Variants in NTRK2 observed in about 807,000 individuals in gnomAD.
The protein encoded by NTRK2 is BDNF/NT-3 growth factors receptor.
In NTRK2, 13 loss-of-function variants were observed where a neutral mutation model predicts 94.5. The observed-to-expected ratio is 0.14, with a 90% CI of 0.09 to 0.22. The LOEUF (loss-of-function observed/expected upper bound fraction) is 0.22. NTRK2 is among the 10% of genes least tolerant of loss of function. The pLI is 1.00. For synonymous variants in NTRK2, 372 were observed against 407.4 expected, an observed-to-expected ratio of 0.91 and a Z score of 1.05; for missense variants, 639 against 1,071.2, an observed-to-expected ratio of 0.60 and a Z score of 5.63.
chr9:84,835,986 G>C (rs2073850313), intron 12 of NTRK2, among the ~76,000 whole-genome samples: 1 of 152,178 alleles, frequency 6.6e-6, no homozygotes, highest in South Asian at 2.1e-4. Flanking sequence ...CATGGCTCGT[G>C]TATTGTGCCA....
chr9:84,841,404 C>T (rs1338726922), intron 12 of NTRK2, among the ~76,000 whole-genome samples: 1 of 152,306 alleles, frequency 6.6e-6, no homozygotes, highest in East Asian at 1.9e-4. Context: ...CCTATATTAG[C>T]TCTGCCTTCA....
rs147957559 is a variant in NTRK2 at position 84,754,236 on chromosome 9, T to A, written c.1396+2151T>A. On this transcript the variant is annotated intron_variant, in intron 12 of 18. Coordinates refer to ENST00000277120, the MANE Select transcript of NTRK2 (RefSeq NM_006180.6). ...CCTACAGCAGTAACTACTATACATATTGTATGTTTTGTTCCCTCATTCCTA... is the reference window on the plus strand; with the variant it reads ...CCTACAGCAGTAACTACTATACATAATGTATGTTTTGTTCCCTCATTCCTA... Among the ~76,000 whole-genome samples the A allele has an allele frequency of 2.2e-3, 330 of 152,256 alleles. 1 individual carries two copies. Among genetic ancestry groups the A allele is most frequent in the Middle Eastern group, 0.017 (5 of 294 alleles).
At chr9:84,736,008 AT>A (rs1415013980) in intron 9 of NTRK2, among the ~76,000 whole-genome samples, 1 of 152,220 alleles carries the variant, frequency 6.6e-6, no homozygotes, top group African/African-American at 2.4e-5. Flanking sequence ...AGTTGCAACA[AT>A]TTTGAAGGCC....
chr9:84,962,908 A>G (rs937896140), intron 17 of NTRK2, among the ~76,000 whole-genome samples: 1 of 152,226 alleles, frequency 6.6e-6, no homozygotes, highest in Non-Finnish European at 1.5e-5. Flanking sequence ...GTTTAGCCTA[A>G]GGAACCAATA....
At chr9:85,002,695 C>T (rs1039540133) in intron 17 of NTRK2, among the ~76,000 whole-genome samples, 1 of 152,084 alleles carries the variant, frequency 6.6e-6, no homozygotes, top group Non-Finnish European at 1.5e-5. Context: ...TCTTGTTATT[C>T]GATGGTTGCA....
intron 15 of NTRK2, among the ~76,000 whole-genome samples, chr9:84,946,907 T>C (rs141144350): frequency 7.2e-4 from 110 of 152,276 alleles, no homozygotes; most frequent in African/African-American, 2.6e-3. Flanking sequence ...GCCAGAAATG[T>C]GACATCTTTT....
intron 12 of NTRK2, chr9:84,814,290 C>G: frequency 9.4e-7 from 1 of 1,065,228 alleles, no homozygotes; most frequent in Admixed American, 5.3e-5. Context: ...AGAGCAGAGG[C>G]GACACCTCTT....
intron 14 of NTRK2, among the ~76,000 whole-genome samples, chr9:84,870,364 T>TATATATATATATATATAA (rs1470777504): frequency 7.6e-6 from 1 of 131,674 alleles, no homozygotes; most frequent in South Asian, 2.6e-4. Context: ...TATATATATA[T>TATATATATATATATATAA]AAAACTCTGT....
chr9:84,858,926 T>G (rs2075199038), intron 12 of NTRK2, among the ~76,000 whole-genome samples: 1 of 152,188 alleles, frequency 6.6e-6, no homozygotes, highest in Non-Finnish European at 1.5e-5. Flanking sequence ...CCTGGCTCAG[T>G]GACCACGAGC....
chr9:84,956,554 G>A (rs1199856137), intron 17 of NTRK2, among the ~76,000 whole-genome samples: 1 of 152,160 alleles, frequency 6.6e-6, no homozygotes, highest in Non-Finnish European at 1.5e-5. Flanking sequence ...AAGGAGAGAG[G>A]AAGGGAAAAG....
intron 14 of NTRK2, among the ~76,000 whole-genome samples, chr9:84,882,731 C>T (rs762825062): frequency 2.8e-4 from 41 of 147,244 alleles, no homozygotes; most frequent in Non-Finnish European, 5.0e-4. Flanking sequence ...CGCGCGCGCG[C>T]GCATGTGTGC....
chr9:84,686,576 T>A (rs1345056172), intron 2 of NTRK2, among the ~76,000 whole-genome samples: 1 of 152,244 alleles, frequency 6.6e-6, no homozygotes. Flanking sequence ...TTATCCTTCT[T>A]GGAGTACGGA....
At chr9:85,007,619 T>A (rs1046077145) in intron 17 of NTRK2, among the ~76,000 whole-genome samples, 11 of 152,164 alleles carry the variant, frequency 7.2e-5, no homozygotes, top group African/African-American at 2.4e-4. Context: ...AGACTCGAGA[T>A]GTCTTTGGAA....
intron 4 of NTRK2, among the ~76,000 whole-genome samples, chr9:84,705,265 G>A (rs935937028): frequency 6.6e-6 from 1 of 152,124 alleles, no homozygotes; most frequent in African/African-American, 2.4e-5. Context: ...TGGTCACTGC[G>A]TTATTTCTTG....
rs187212477 is a variant in NTRK2, at chr9:84,812,277, G to A, written c.1397-48763G>A. 570 of 1,055,974 alleles carry A rather than the reference G, an allele frequency of 5.4e-4. 3 individuals carry two copies. The African/African-American group carries it at 8.3e-3, about 15-fold the overall frequency. The allele number at this position is 1,055,974 out of a possible 1,614,324, so 65.4% of individuals were successfully genotyped here. On this transcript the variant is annotated intron_variant, in intron 12 of 18. Coordinates refer to ENST00000277120, the MANE Select transcript of NTRK2 (RefSeq NM_006180.6). ...ATCCTTTACATTAGCCACTAAATAC[G>A]TTATTGCTTGATGAAGACCTTTCAC... is the stretch of plus-strand genomic sequence containing the variant.
At chr9:84,842,658 T>A (rs973619790) in intron 12 of NTRK2, among the ~76,000 whole-genome samples, 15 of 152,134 alleles carry the variant, frequency 9.9e-5, no homozygotes, top group African/African-American at 3.6e-4. Context: ...TCAGTGATGG[T>A]TGGGGCTTCC....
intron 12 of NTRK2, among the ~76,000 whole-genome samples, chr9:84,755,484 T>C (rs1003189592): frequency 2.7e-5 from 4 of 150,476 alleles, no homozygotes; most frequent in African/African-American, 9.8e-5. Context: ...AGAGAGAACC[T>C]GAGACTTTTC....
chr9:84,853,009 G>T (rs538441799), intron 12 of NTRK2, among the ~76,000 whole-genome samples: 5 of 150,826 alleles, frequency 3.3e-5, no homozygotes, highest in Non-Finnish European at 5.9e-5. Context: ...AATTGCTTTT[G>T]CAGAGCACTG....
At chr9:84,724,453 A>T (rs1429576743) in intron 8 of NTRK2, 97 bp downstream of exon 8, 10 of 1,426,614 alleles carry the variant, frequency 7.0e-6, no homozygotes, top group Non-Finnish European at 8.9e-6. Context: ...TAAATTTGTT[A>T]AAAAAAGTAT....
Sources: gnomAD v4.1 joint callset for allele counts (sites outside exome capture counted in the v4.1 genomes callset) on GRCh38, gnomAD v4.1.1 for gene constraint, MANE v1.5 for transcripts, NCBI Gene and HGNC (gene_info 2026-07-23, HGNC 2026-07-21) for gene names.